Variants in NR3C2 observed in about 807,000 individuals in gnomAD.
NR3C2 encodes nuclear receptor subfamily 3 group C member 2.
NR3C2 carries 15 observed loss-of-function variants against 86.4 expected under a neutral mutation model. The ratio of observed to expected loss-of-function variants is 0.17; its 90% CI spans 0.12 to 0.27. The LOEUF (loss-of-function observed/expected upper bound fraction) is 0.27. Ranked by LOEUF, NR3C2 falls within the 10% of genes least tolerant of loss-of-function variation. NR3C2 has a pLI of 1.00. For synonymous variants in NR3C2, 458 were observed against 450.5 expected, an observed-to-expected ratio of 1.02 and a Z score of -0.21; for missense variants, 960 against 1,195.6, an observed-to-expected ratio of 0.80 and a Z score of 2.91.
intron 2 of NR3C2, among the ~76,000 whole-genome samples, chr4:148,261,272 C>CGCT (rs1271698925): frequency 5.2e-4 from 24 of 46,104 alleles, no homozygotes; most frequent in East Asian, 3.2e-3. Flanking sequence ...CGCTATGGTG[C>CGCT]ACTATGGTAA....
intron 2 of NR3C2, among the ~76,000 whole-genome samples, chr4:148,276,890 A>G (rs1740987993): frequency 6.6e-6 from 1 of 152,244 alleles, no homozygotes; most frequent in African/African-American, 2.4e-5. Context: ...AATGTCTTTT[A>G]TAAAGTTTCA....
At chr4:148,147,066 T>G (rs957084302) in intron 6 of NR3C2, among the ~76,000 whole-genome samples, 11 of 152,262 alleles carry the variant, frequency 7.2e-5, no homozygotes, top group African/African-American at 2.7e-4. Context: ...TAAAATTGAA[T>G]AATTAATCAT....
chr4:148,209,038 G>A (rs1737147874), intron 3 of NR3C2, among the ~76,000 whole-genome samples: 1 of 151,986 alleles, frequency 6.6e-6, no homozygotes, highest in Non-Finnish European at 1.5e-5. Context: ...AAAGTTAGGA[G>A]TTCAAGACCA....
At chr4:148,256,398 T>G (rs867790561) in intron 3 of NR3C2, among the ~76,000 whole-genome samples, 1 of 152,182 alleles carries the variant, frequency 6.6e-6, no homozygotes, top group Non-Finnish European at 1.5e-5. Flanking sequence ...ACCAGGAACT[T>G]TGGCATTTGT....
At chr4:148,417,366 T>A (rs1749064619) in intron 2 of NR3C2, among the ~76,000 whole-genome samples, 1 of 152,222 alleles carries the variant, frequency 6.6e-6, no homozygotes, top group South Asian at 2.1e-4. Flanking sequence ...GACTTCTCTA[T>A]CCAAGAGTCA....
intron 2 of NR3C2, among the ~76,000 whole-genome samples, chr4:148,311,554 T>C (rs1742900017): frequency 6.6e-6 from 1 of 152,192 alleles, no homozygotes; most frequent in African/African-American, 2.4e-5. Context: ...AATCACCAAG[T>C]GAATTACTGC....
intron 2 of NR3C2, among the ~76,000 whole-genome samples, chr4:148,374,145 A>G (rs899631673): frequency 2.0e-5 from 3 of 152,244 alleles, no homozygotes; most frequent in African/African-American, 7.2e-5. Context: ...ATATCAAATA[A>G]CAATAGCCTA....
At chr4:148,407,015 A>G (rs142609034) in intron 2 of NR3C2, among the ~76,000 whole-genome samples, 17 of 152,366 alleles carry the variant, frequency 1.1e-4, no homozygotes, top group Non-Finnish European at 1.6e-4. Flanking sequence ...GCAAAGAGTT[A>G]ACGTTTACAG....
chr4:148,321,668 A>G (rs1188381414), intron 2 of NR3C2, among the ~76,000 whole-genome samples: 4 of 152,006 alleles, frequency 2.6e-5, no homozygotes, highest in Non-Finnish European at 5.9e-5. Context: ...TTGTTGGTTT[A>G]AAGTCTGTTT....
At chr4:148,322,917 G>A (rs1743699629) in intron 2 of NR3C2, among the ~76,000 whole-genome samples, 1 of 143,148 alleles carries the variant, frequency 7.0e-6, no homozygotes, top group Admixed American at 7.2e-5. Context: ...TTCCGTTGCT[G>A]GTGAGGAACT....
chr4:148,399,858 G>A (rs1382156954), intron 2 of NR3C2, among the ~76,000 whole-genome samples: 1 of 152,162 alleles, frequency 6.6e-6, no homozygotes, highest in Non-Finnish European at 1.5e-5. Context: ...ACACACACTA[G>A]GTTAGAACTG....
chr4:148,105,070 G>A (rs1227980313), intron 8 of NR3C2, among the ~76,000 whole-genome samples: 2 of 152,166 alleles, frequency 1.3e-5, no homozygotes, highest in Non-Finnish European at 1.5e-5. Flanking sequence ...GTAGGTTTGT[G>A]TCTCCCTCTA....
At chr4:148,440,796 C>T (rs1473364605) in intron 1 of NR3C2, among the ~76,000 whole-genome samples, 2 of 152,016 alleles carry the variant, frequency 1.3e-5, no homozygotes, top group Admixed American at 6.5e-5. Flanking sequence ...GTACTTTTTT[C>T]GGGAATATTA....
chr4:148,208,714 C>T (rs1009633776), intron 3 of NR3C2: 1 of 152,272 alleles, frequency 6.6e-6, no homozygotes, highest in Non-Finnish European at 1.5e-5. Flanking sequence ...CCTTGTGACA[C>T]CTGTACCCAT....
At chr4:148,130,566 G>A (rs927252902) in intron 6 of NR3C2, among the ~76,000 whole-genome samples, 1 of 152,142 alleles carries the variant, frequency 6.6e-6, no homozygotes, top group Non-Finnish European at 1.5e-5. Context: ...ATAGTGGGGT[G>A]CATATCTTTC....
rs1262989025 is a variant in NR3C2, at chr4:148,079,741, A to G, written c.*1603T>C. 1 of 152,658 alleles carries G rather than the reference A, an allele frequency of 6.6e-6. No homozygotes were observed. The highest frequency in any genetic ancestry group is 6.5e-5 in the Admixed American group (1 of 15,278). 9.5% of individuals were successfully genotyped at this position (152,658 alleles called of 1,614,324 possible). A position where few individuals can be genotyped will look rare whatever the true frequency, so the allele number is the denominator to read the frequency against. ...CTTATATGATCTGTAATTTTTCTCC[A>G]AAACTGTTTATGTATAAAACTTATT... On this transcript the variant is annotated 3_prime_UTR_variant, in exon 9 of 9. Transcript: ENST00000358102.
At chr4:148,399,410 TAC>T (rs1748026556) in intron 2 of NR3C2, among the ~76,000 whole-genome samples, 1 of 151,770 alleles carries the variant, frequency 6.6e-6, no homozygotes, top group Admixed American at 6.6e-5. Flanking sequence ...TTAAATGACA[TAC>T]ATATAGTGTA....
intron 2 of NR3C2, among the ~76,000 whole-genome samples, chr4:148,387,687 A>G (rs1747338209): frequency 6.6e-6 from 1 of 152,198 alleles, no homozygotes; most frequent in Non-Finnish European, 1.5e-5. Flanking sequence ...CTCAACGCAT[A>G]AAGTGTTAAA....
intron 3 of NR3C2, among the ~76,000 whole-genome samples, chr4:148,242,306 G>A (rs1739094190): frequency 6.6e-6 from 1 of 152,158 alleles, no homozygotes; most frequent in African/African-American, 2.4e-5. Context: ...GGGGATGGAG[G>A]AAGGGTCCTC....
Sources: allele counts gnomAD v4.1 joint callset (sites outside exome capture counted in the v4.1 genomes callset), GRCh38; gene constraint gnomAD v4.1.1; transcripts MANE v1.5; gene names NCBI Gene and HGNC (gene_info 2026-07-23, HGNC 2026-07-21).